Variants in CEP85L observed in about 807,000 individuals in gnomAD.
CEP85L encodes centrosomal protein 85L.
In CEP85L, 60 loss-of-function variants were observed where a neutral mutation model predicts 100.3. That is an observed-to-expected ratio of 0.60 (90% CI 0.49 to 0.74). CEP85L has a LOEUF of 0.74. CEP85L is among the 30% of genes least tolerant of loss of function. CEP85L has a pLI of 0.00. For synonymous variants in CEP85L, 319 were observed against 322.7 expected (o/e 0.99, Z 0.12); for missense variants, 973 against 936.2 (o/e 1.04, Z -0.51).
chr6:118,629,107 C>T (rs1018404102), intron 2 of CEP85L, among the ~76,000 whole-genome samples: 10 of 152,098 alleles, frequency 6.6e-5, no homozygotes, highest in African/African-American at 4.8e-5. Flanking sequence ...CATTGTATTA[C>T]GTATTGTAAG....
chr6:118,477,997 T>A (rs1773512015), intron 10 of CEP85L, among the ~76,000 whole-genome samples: 1 of 152,142 alleles, frequency 6.6e-6, no homozygotes, highest in Admixed American at 6.6e-5. Context: ...AGGTATAAGC[T>A]GACCATTCTT....
chr6:118,621,949 A>G (rs903597454), intron 2 of CEP85L, among the ~76,000 whole-genome samples: 2 of 152,208 alleles, frequency 1.3e-5, no homozygotes, highest in South Asian at 2.1e-4. Flanking sequence ...TCAAAACTTT[A>G]TAACAGACCC....
At chr6:118,490,460 T>C (rs556374424) in intron 6 of CEP85L, among the ~76,000 whole-genome samples, 19 of 152,300 alleles carry the variant, frequency 1.2e-4, no homozygotes, top group African/African-American at 4.6e-4. Flanking sequence ...AAGAATGGAT[T>C]TGGGAGGATG....
At chr6:118,677,153 G>A (rs1042646364) in intron 1 of CEP85L, among the ~76,000 whole-genome samples, 1 of 151,878 alleles carries the variant, frequency 6.6e-6, no homozygotes, top group Non-Finnish European at 1.5e-5. Context: ...TCACCTCTTT[G>A]GGACTCAAGT....
chr6:118,614,796 G>A (rs1268611687), intron 2 of CEP85L, among the ~76,000 whole-genome samples: 2 of 152,148 alleles, frequency 1.3e-5, no homozygotes, highest in African/African-American at 4.8e-5. Flanking sequence ...AGCCAAGATC[G>A]TGCCATTGCA....
chr6:118,603,178 T>A (rs1263414722), intron 2 of CEP85L, among the ~76,000 whole-genome samples: 1 of 152,140 alleles, frequency 6.6e-6, no homozygotes, highest in African/African-American at 2.4e-5. Context: ...CAAGTAGCTA[T>A]GAATTGGGTA....
At chr6:118,647,817 C>A (rs1775300407) in intron 1 of CEP85L, among the ~76,000 whole-genome samples, 1 of 152,146 alleles carries the variant, frequency 6.6e-6, no homozygotes, top group East Asian at 1.9e-4. Context: ...AGTATACATT[C>A]TGAACAATAG....
intron 1 of CEP85L, among the ~76,000 whole-genome samples, chr6:118,636,711 G>A (rs1419360339): frequency 2.0e-5 from 3 of 152,138 alleles, no homozygotes; most frequent in Non-Finnish European, 4.4e-5. Context: ...CTTCCTGCCT[G>A]ATCCCCTTTG....
intron 1 of CEP85L, among the ~76,000 whole-genome samples, chr6:118,689,985 C>A (rs1189784921): frequency 6.6e-6 from 1 of 150,972 alleles, no homozygotes; most frequent in East Asian, 1.9e-4. Flanking sequence ...AACTCCTGGC[C>A]TCAAGCAATC....
At chr6:118,483,880 C>A in intron 6 of CEP85L, 22 bp from the exon 7 acceptor site, 1 of 1,603,134 alleles carries the variant, frequency 6.2e-7, no homozygotes, top group Non-Finnish European at 8.5e-7. Flanking sequence ...CAATTATGAA[C>A]CTTCAGTAGT....
chr6:118,647,653 C>A (rs1389073359), intron 1 of CEP85L, among the ~76,000 whole-genome samples: 1 of 152,130 alleles, frequency 6.6e-6, no homozygotes, highest in Non-Finnish European at 1.5e-5. Context: ...TGAGCCACTG[C>A]GCCTGGCTTA....
intron 6 of CEP85L, among the ~76,000 whole-genome samples, chr6:118,487,090 T>A (rs1336226210): frequency 1.3e-5 from 2 of 151,936 alleles, no homozygotes; most frequent in Non-Finnish European, 2.9e-5. Context: ...TATAAGCATA[T>A]GAAAGGAGGA....
chr6:118,466,444 A>C (rs890188862), intron 12 of CEP85L, among the ~76,000 whole-genome samples: 1 of 152,178 alleles, frequency 6.6e-6, no homozygotes, highest in Non-Finnish European at 1.5e-5. Flanking sequence ...TCATAAACAA[A>C]TGAACACAGT....
chr6:118,467,354 C>A (rs768185103), intron 12 of CEP85L, among the ~76,000 whole-genome samples: 1 of 152,008 alleles, frequency 6.6e-6, no homozygotes, highest in Non-Finnish European at 1.5e-5. Context: ...AATTAAGTGG[C>A]AGAGAAGTCC....
At chr6:118,553,917 T>G (rs1023021262) in intron 3 of CEP85L, among the ~76,000 whole-genome samples, 11 of 152,158 alleles carry the variant, frequency 7.2e-5, no homozygotes, top group Non-Finnish European at 1.3e-4. Context: ...GAAAGAGACT[T>G]GAGGAAAATA....
At chr6:118,482,656 TA>T (rs1773872087) in intron 7 of CEP85L, among the ~76,000 whole-genome samples, 1 of 152,202 alleles carries the variant, frequency 6.6e-6, no homozygotes, top group Non-Finnish European at 1.5e-5. Flanking sequence ...AATCACATTA[TA>T]AACATGGGTG....
At chr6:118,468,733 A>G (rs778036887) in intron 12 of CEP85L, among the ~76,000 whole-genome samples, 1 of 152,224 alleles carries the variant, frequency 6.6e-6, no homozygotes, top group Non-Finnish European at 1.5e-5. Context: ...TGGTTGGGTC[A>G]CTTAATCTAT....
chr6:118,542,333 T>C (rs1419040050), intron 3 of CEP85L, among the ~76,000 whole-genome samples: 1 of 152,196 alleles, frequency 6.6e-6, no homozygotes, highest in Non-Finnish European at 1.5e-5. Context: ...ATAAGGACTT[T>C]TTTTTTAAGT....
chr6:118,538,832 C>CT (rs915529847), intron 3 of CEP85L, among the ~76,000 whole-genome samples: 26 of 152,120 alleles, frequency 1.7e-4, no homozygotes, highest in African/African-American at 6.0e-4. Context: ...CTATAATTTA[C>CT]TTTTTAAATT....
Sources: gnomAD v4.1 joint callset for allele counts (sites outside exome capture counted in the v4.1 genomes callset) on GRCh38, gnomAD v4.1.1 for gene constraint, MANE v1.5 for transcripts, NCBI Gene and HGNC (gene_info 2026-07-23, HGNC 2026-07-21) for gene names.